The following LRP1 variants were observed in gnomAD, a reference collection of about 807,000 sequenced individuals.
LRP1 encodes the protein LDL receptor related protein 1, also known as prolow-density lipoprotein receptor-related protein 1.
In LRP1, 51 loss-of-function variants were observed where a neutral mutation model predicts 541.5. The ratio of observed to expected loss-of-function variants is 0.09; its 90% CI spans 0.08 to 0.12. LRP1 has a LOEUF of 0.12. Ranked by LOEUF, LRP1 falls within the 10% of genes least tolerant of loss-of-function variation. LRP1 has a pLI of 1.00. For missense variants in LRP1, 3,878 were observed against 6,376.2 expected (o/e 0.61, Z 13.34); for synonymous variants, 2,219 against 2,470.8 (o/e 0.90, Z 3.02).
chr12:57,199,437 G>T, intron 61 of LRP1, 37 bp downstream of exon 61: 1 of 1,591,100 alleles, frequency 6.3e-7, no homozygotes, highest in Non-Finnish European at 8.6e-7. Flanking sequence ...CGAACGGTGA[G>T]CCAGGCACCG....
intron 24 of LRP1, 57 bp downstream of exon 24, chr12:57,176,163 G>A: frequency 3.2e-6 from 5 of 1,574,094 alleles, no homozygotes; most frequent in Non-Finnish European, 4.3e-6. Flanking sequence ...CAGGCGCTAG[G>A]GGCCACAGGT....
chr12:57,190,078 C>T (rs1049084881), intron 42 of LRP1, among the ~76,000 whole-genome samples: 5 of 152,138 alleles, frequency 3.3e-5, no homozygotes, highest in African/African-American at 7.2e-5. Context: ...CTCAGAGGGG[C>T]GACAGGCTCA....
At position 57,167,042 on chromosome 12, in the gene LRP1, G is replaced by T; in HGVS notation, c.2910G>T (p.Ser970=). ...GGGACCGCTCTGATGAGTCTGCTTC[G>T]TGTGGTAAGAGGGATGGGCAGAGGG... ...DCGDRSDESA[S]CAYPTCFPLT... Residue 970 remains serine, a synonymous_variant, in exon 18 of 89, where the codon TCG becomes TCT. Coordinates refer to ENST00000243077, the MANE Select transcript of LRP1 (RefSeq NM_002332.3). 1 of 1,613,176 alleles carries T rather than the reference G, an allele frequency of 6.2e-7. No homozygotes were observed. The highest frequency in any genetic ancestry group is 8.5e-7 in the Non-Finnish European group (1 of 1,179,250).
At chr12:57,168,551 A>G (rs865935384) in intron 19 of LRP1, among the ~76,000 whole-genome samples, 2 of 152,180 alleles carry the variant, frequency 1.3e-5, no homozygotes, top group Non-Finnish European at 2.9e-5. Flanking sequence ...TCTCCACCAC[A>G]TGTCCCATAA....
intron 64 of LRP1, 72 bp downstream of exon 64, chr12:57,200,887 T>C (rs2036637545): frequency 3.3e-6 from 5 of 1,496,430 alleles, no homozygotes; most frequent in Admixed American, 3.7e-5. Flanking sequence ...GGCTTTCAAG[T>C]GCAGGGAAGT....
rs143976462 is a variant in LRP1, at chr12:57,138,556, C to T, written c.165C>T (p.Asp55=). 115 of 1,614,054 alleles carry T rather than the reference C, an allele frequency of 7.1e-5. 1 individual carries two copies. Among genetic ancestry groups the T allele is most frequent in the African/African-American group, 6.1e-4 (46 of 75,052 alleles). The change falls in exon 2 of 89, where the codon GAC becomes GAT. Residue 55 remains aspartate (D), a synonymous_variant. Transcript: ENST00000243077. ...GCGACGGTGAGAGGGACTGCCCAGA[C>T]GGATCTGACGAGGCCCCTGAGATTT... ...WRCDGERDCP[D]GSDEAPEICP...
chr12:57,200,059 C>T, intron 62 of LRP1, 34 bp downstream of exon 62: 15 of 1,555,820 alleles, frequency 9.6e-6, no homozygotes, highest in Non-Finnish European at 1.3e-5. Context: ...TCACCAGTGC[C>T]CGCTCCCCAA....
intron 1 of LRP1, among the ~76,000 whole-genome samples, chr12:57,132,803 T>C (rs971396876): frequency 1.3e-5 from 2 of 152,234 alleles, no homozygotes; most frequent in Non-Finnish European, 2.9e-5. Flanking sequence ...TCCAGGCCTC[T>C]TGGTATCCCA....
rs772700942 is a variant in LRP1, at chr12:57,210,163, C to T, written c.12574C>T (p.Pro4192Ser). Residue 4192 changes from proline to serine, a missense_variant, in exon 81 of 89, where the codon CCA becomes TCA. This residue lies in a region of LRP1 where 871 missense variants were observed against 1,212.4 expected (regional missense o/e 0.72). Coordinates refer to ENST00000243077, the MANE Select transcript of LRP1 (RefSeq NM_002332.3). ...CVPVPSPTPP[P>S]DAPRPGTCNL... Reference sequence around the variant, plus strand: ...GCCTGTGCCCTCTCCAACGCCCCCCCCAGATGGTATGCTTATGCCCTCCCA... The same window carrying T: ...GCCTGTGCCCTCTCCAACGCCCCCCTCAGATGGTATGCTTATGCCCTCCCA... The T allele has an allele frequency of 1.9e-6, 3 of 1,597,884 alleles. No homozygotes were observed. The highest frequency in any genetic ancestry group is 4.5e-5 in the East Asian group (2 of 44,746).
chr12:57,185,447 G>C lies in LRP1; in HGVS notation c.6464-84G>C. 2 of 1,485,150 alleles carry C rather than the reference G, an allele frequency of 1.3e-6. No homozygotes were observed. The highest frequency in any genetic ancestry group is 1.8e-6 in the Non-Finnish European group (2 of 1,116,884). 92.0% of individuals were successfully genotyped at this position (1,485,150 alleles called of 1,614,324 possible). On this transcript the variant is annotated intron_variant, in intron 40 of 88. Transcript: ENST00000243077. This position sits in a 1 kb window ranked among gnomAD's most constrained non-coding sequence, Gnocchi z 4.9. ...TGGGAATACCGAGGCAGAGGGCAGA[G>C]CTTTCGCCAAAGCCTGGATGACAAA... is the stretch of plus-strand genomic sequence containing the variant.
intron 20 of LRP1, among the ~76,000 whole-genome samples, chr12:57,170,833 TA>T (rs370513144): frequency 4.0e-5 from 6 of 151,596 alleles, no homozygotes; most frequent in African/African-American, 1.2e-4. Flanking sequence ...AAAAAAAGTT[TA>T]AAAAAAACTA....
rs1359794142 is a variant in LRP1, at chr12:57,205,123, C to T, written c.11209C>T (p.His3737Tyr). Residue 3737 changes from histidine to tyrosine, a missense_variant, in exon 73 of 89, where the codon CAC becomes TAC. Coordinates refer to ENST00000243077, the MANE Select transcript of LRP1 (RefSeq NM_002332.3). This position sits in a 1 kb window ranked among gnomAD's most constrained non-coding sequence, Gnocchi z 4.6. ...DEEDCEPPTA[H>Y]TTHCKDKKEF... ...GCCCTCCTCAGAGCCCCCCACAGCC[C>T]ACACCACCCACTGCAAAGACAAGAA... The T allele has an allele frequency of 6.2e-7, 1 of 1,613,746 alleles. No homozygotes were observed. Among genetic ancestry groups the T allele is most frequent in the Admixed American group, 1.7e-5 (1 of 59,994 alleles).
Position 57,179,254 on chromosome 12 carries a change from G to A in LRP1, c.4739-75G>A. 7.7e-7 allele frequency: 1 copy of A among 1,294,276 alleles called. No individual in the cohort carries two copies. The highest frequency in any genetic ancestry group is 1.1e-6 in the Non-Finnish European group (1 of 911,070). The allele number at this position is 1,294,276 out of a possible 1,614,324, so 80.2% of individuals were successfully genotyped here. The stretch of plus-strand genomic sequence containing the variant: ...TAGCAAACAGACGGATCCAGAAGAA[G>A]GCAGGGCCTGAAACCGGATTGGTGG... On this transcript the variant is annotated intron_variant, in intron 28 of 88. Transcript: ENST00000243077. This position sits in a 1 kb window ranked among gnomAD's most constrained non-coding sequence, Gnocchi z 6.8.
chr12:57,135,319 G>A (rs978825186), intron 1 of LRP1, among the ~76,000 whole-genome samples: 1 of 152,150 alleles, frequency 6.6e-6, no homozygotes, highest in African/African-American at 2.4e-5. Context: ...CTAAACTGCA[G>A]GCCACAAAGG....
intron 62 of LRP1, 22 bp from the exon 63 acceptor site, chr12:57,200,420 C>CG: frequency 1.5e-6 from 2 of 1,366,662 alleles, no homozygotes; most frequent in African/African-American, 1.4e-5. Context: ...ACCAACCCCT[C>CG]TTGCCCCCAC....
In LRP1 at chr12:57,208,787, C is replaced by A. The variant is rs146247876; in HGVS notation, c.12115C>A (p.Leu4039Met). ...GATGGATGGGACGCTTCGGGAGACA[C>A]TGGTGCAGGACAACATTCAGTGGCC... ...AAMDGTLRET[L>M]VQDNIQWPTG... Residue 4039 changes from leucine (L) to methionine (M), a missense_variant, in exon 78 of 89, where the codon CTG becomes ATG. Leu to Met is a conservative substitution (Grantham distance 15). Around this residue, in one of 13 missense-constraint regions of LRP1, gnomAD observed 871 missense variants for 1,212.4 expected, o/e 0.72. Transcript: ENST00000243077. 1 of 1,613,966 alleles carries A rather than the reference C, an allele frequency of 6.2e-7. No individual in the cohort carries two copies. The highest frequency in any genetic ancestry group is 1.1e-5 in the South Asian group (1 of 91,078).
rs773268334 is a variant in LRP1, at chr12:57,177,099, T to C, written c.4050T>C (p.Ala1350=). ...QYGLATPEGL[A]VDWIAGNIYW... ...GCCTGGCCACACCCGAGGGCCTGGC[T>C]GTAGACTGGATTGCAGGCAACATCT... is the stretch of plus-strand genomic sequence containing the variant. Residue 1350 remains alanine (A), a synonymous_variant, in exon 25 of 89, where the codon GCT becomes GCC. Transcript: ENST00000243077. This position sits in a 1 kb window ranked among gnomAD's most constrained non-coding sequence, Gnocchi z 6.8. 30 of 1,614,118 alleles carry C rather than the reference T, an allele frequency of 1.9e-5. No homozygotes were observed. The South Asian group carries it at 3.0e-4, about 16-fold the overall frequency.
chr12:57,138,699 G>C, intron 2 of LRP1, 118 bp downstream of exon 2: 2 of 1,396,424 alleles, frequency 1.4e-6, no homozygotes, highest in Non-Finnish European at 2.0e-6. Flanking sequence ...CTCAGTGATT[G>C]TATTTGTCCA....
chr12:57,195,936 T>C lies in LRP1; in HGVS notation c.8634T>C (p.Cys2878=), dbSNP rs1377362036. The C allele has an allele frequency of 6.2e-7, 1 of 1,613,628 alleles. No homozygotes were observed. Among genetic ancestry groups the C allele is most frequent in the East Asian group, 2.2e-5 (1 of 44,872 alleles). Residue 2878 remains cysteine, a synonymous_variant, in exon 54 of 89, where the codon TGT becomes TGC. Coordinates refer to ENST00000243077, the MANE Select transcript of LRP1 (RefSeq NM_002332.3). ...GTCTGAGCTCCCGCCAGTGGGAGTG[T>C]GATGGCGAGAATGACTGCCACGACC... ...GRCLSSRQWE[C]DGENDCHDQS... is the part of the protein sequence containing the mutation.
Sources: allele counts gnomAD v4.1 joint callset (sites outside exome capture counted in the v4.1 genomes callset), GRCh38; gene constraint gnomAD v4.1.1; regional missense constraint gnomAD v4.1.1; non-coding constraint Gnocchi (gnomAD v3.1); transcripts MANE v1.5; gene names NCBI Gene and HGNC (gene_info 2026-07-23, HGNC 2026-07-21).